EWSR1: variants seen among roughly 807,000 people sequenced by gnomAD.
The protein encoded by EWSR1 is EWS RNA binding protein 1.
Under a neutral mutation model 92.1 loss-of-function variants are expected in EWSR1, and 14 were observed. That is an observed-to-expected ratio of 0.15 (90% CI 0.10 to 0.24). The LOEUF is 0.24. Ranked by LOEUF, EWSR1 falls within the 10% of genes least tolerant of loss-of-function variation. The pLI is 1.00. For synonymous variants in EWSR1, 303 were observed against 292.9 expected (o/e 1.03, Z -0.35); for missense variants, 637 against 870.9 (o/e 0.73, Z 3.38).
chr22:29,275,678 A>G (rs2059052805), intron 4 of EWSR1: 2 of 229,732 alleles, frequency 8.7e-6, no homozygotes, highest in East Asian at 1.2e-4. Flanking sequence ...TTTACACATG[A>G]AAGTTATCGG....
rs1602410781 is a variant in EWSR1 at position 29,286,909 on chromosome 22, TCTC to T, written c.582-13_582-11del. 3 of 1,601,778 alleles carry T rather than the reference TCTC, an allele frequency of 1.9e-6. No individual in the cohort carries two copies. Among genetic ancestry groups the T allele is most frequent in the Admixed American group, 1.7e-5 (1 of 58,118 alleles). On this transcript the variant is annotated splice_polypyrimidine_tract_variant and intron_variant, in intron 6 of 16. Coordinates refer to ENST00000397938, the MANE Select transcript of EWSR1 (RefSeq NM_005243.4). ...TAAAAAAGCTTTTTTTTTTTTCTCT[TCTC>T]TCTCTTTCAGCTATTCCTCTACACA... is the stretch of plus-strand genomic sequence containing the variant.
At chr22:29,282,232 A>C (rs1335536062) in intron 5 of EWSR1, among the ~76,000 whole-genome samples, 158 bp from the exon 6 acceptor site, 1 of 152,118 alleles carries the variant, frequency 6.6e-6, no homozygotes, top group Non-Finnish European at 1.5e-5. Flanking sequence ...GATGTAGTTT[A>C]CTTTAGGATT....
In EWSR1 at chr22:29,298,808, C is replaced by G. The variant is rs1448045659; in HGVS notation, c.1493C>G (p.Pro498Arg). Residue 498 changes from proline to arginine, a missense_variant, in exon 14 of 17, where the codon CCT (proline) becomes CGT (arginine). Pro to Arg is a moderately radical substitution (Grantham distance 103, BLOSUM62 -2). Around this residue, in one of 5 missense-constraint regions of EWSR1, gnomAD observed 363 missense variants for 447.8 expected, o/e 0.81. Transcript: ENST00000397938. ...GGRGGDRGGFPPRGPRGSRGN... is the reference protein window; with the variant it reads ...GGRGGDRGGFRPRGPRGSRGN... ...CGTGGAGGAGATAGAGGAGGCTTCC[C>G]TCCAAGAGGACCCCGGGGTTCCCGA... The G allele has an allele frequency of 1.9e-6, 3 of 1,608,778 alleles. No individual in the cohort carries two copies. Among genetic ancestry groups the G allele is most frequent in the Non-Finnish European group, 2.5e-6 (3 of 1,178,472 alleles).
At chr22:29,273,953 T>C (rs1372147335) in intron 4 of EWSR1, 89 bp downstream of exon 4, 13 of 1,524,878 alleles carry the variant, frequency 8.5e-6, no homozygotes, top group East Asian at 2.3e-5. Context: ...ATGTATATTC[T>C]GGTCCATACC....
At chr22:29,298,384 T>C (rs2061036561) in intron 13 of EWSR1, among the ~76,000 whole-genome samples, 1 of 152,008 alleles carries the variant, frequency 6.6e-6, no homozygotes, top group African/African-American at 2.4e-5. Context: ...TGCATGCCTG[T>C]AATCCCAGCT....
At chr22:29,286,216 T>C (rs1331929491) in intron 6 of EWSR1, among the ~76,000 whole-genome samples, 1 of 151,762 alleles carries the variant, frequency 6.6e-6, no homozygotes, top group Non-Finnish European at 1.5e-5. Flanking sequence ...CAGTAGCGGA[T>C]CTCAGCTCAC....
In EWSR1 at chr22:29,292,472, T is replaced by G; in HGVS notation, c.1046-16T>G. The G allele has an allele frequency of 6.5e-7, 1 of 1,527,498 alleles. No homozygotes were observed. The highest frequency in any genetic ancestry group is 9.0e-7 in the Non-Finnish European group (1 of 1,105,846). The allele number at this position is 1,527,498 out of a possible 1,614,324, so 94.6% of individuals were successfully genotyped here. On this transcript the variant is annotated splice_polypyrimidine_tract_variant and intron_variant, in intron 10 of 16. Transcript: ENST00000397938. ...GATACATGATAATAATTCTCCTGTCTTGTTGTCTCTGAAAGGCCCACCTGT... is the reference window on the plus strand; with the variant it reads ...GATACATGATAATAATTCTCCTGTCGTGTTGTCTCTGAAAGGCCCACCTGT...
At chr22:29,285,121 TG>T (rs912084495) in intron 6 of EWSR1, among the ~76,000 whole-genome samples, 6 of 111,744 alleles carry the variant, frequency 5.4e-5, no homozygotes, top group African/African-American at 1.7e-4. Flanking sequence ...TTCTGGCCCT[TG>T]TTTTTTTTTT....
At chr22:29,280,797 C>T (rs1257397206) in intron 5 of EWSR1, among the ~76,000 whole-genome samples, 1 of 146,530 alleles carries the variant, frequency 6.8e-6, no homozygotes, top group Non-Finnish European at 1.5e-5. Flanking sequence ...CCTCAGCCTC[C>T]TGAGTAGCTG....
chr22:29,279,275 A>C (rs1270264852), intron 5 of EWSR1, among the ~76,000 whole-genome samples: 1 of 152,190 alleles, frequency 6.6e-6, no homozygotes, highest in Admixed American at 6.5e-5. Flanking sequence ...ATGGTAGTTC[A>C]CACAGGCAGG....
chr22:29,291,982 A>G (rs1421461773), intron 9 of EWSR1, 155 bp from the exon 10 acceptor site: 1 of 716,294 alleles, frequency 1.4e-6, no homozygotes, highest in East Asian at 2.5e-5. Context: ...ACAAATGTTA[A>G]AGAGACACTG....
At chr22:29,294,564 C>T (rs892756317) in intron 11 of EWSR1, among the ~76,000 whole-genome samples, 9 of 149,332 alleles carry the variant, frequency 6.0e-5, no homozygotes, top group Admixed American at 1.3e-4. Context: ...GAGATGGCGC[C>T]ACTGCATTCC....
rs2061098732 is a variant in EWSR1, at chr22:29,298,824, GGGTTCCCGA to G, written c.1512_1520del (p.Ser505_Gly507del). The G allele has an allele frequency of 1.3e-6, 2 of 1,598,020 alleles. No individual in the cohort carries two copies. Among genetic ancestry groups the G allele is most frequent in the Non-Finnish European group, 1.7e-6 (2 of 1,175,534 alleles). On this transcript the variant is annotated inframe_deletion, in exon 14 of 17. Transcript: ENST00000397938. ...GAGGCTTCCCTCCAAGAGGACCCCGGGGTTCCCGAGGGAACCCCTCTGGAGGAGGAAACG... is the reference window on the plus strand; with the variant it reads ...GAGGCTTCCCTCCAAGAGGACCCCGGGGGAACCCCTCTGGAGGAGGAAACG...
At position 29,268,331 on chromosome 22, in the gene EWSR1, G is replaced by A. The variant is rs2058289011; in HGVS notation, c.-6G>A. On this transcript the variant is annotated 5_prime_UTR_variant, in exon 1 of 17. Coordinates refer to ENST00000397938, the MANE Select transcript of EWSR1 (RefSeq NM_005243.4). ...ACGTTGAGAGAACGAGGAGGAAGGA[G>A]AGAAAATGGCGTCCACGGGTGAGTA... The A allele has an allele frequency of 1.2e-6, 2 of 1,614,152 alleles. No individual in the cohort carries two copies. The highest frequency in any genetic ancestry group is 2.2e-5 in the South Asian group (2 of 91,092).
At chr22:29,283,143 T>G (rs2059746512) in intron 6 of EWSR1, among the ~76,000 whole-genome samples, 1 of 152,210 alleles carries the variant, frequency 6.6e-6, no homozygotes, top group Admixed American at 6.5e-5. Flanking sequence ...TTTTGCTGTT[T>G]TAGTTAACTC....
chr22:29,290,826 T>A, intron 8 of EWSR1: 2 of 409,578 alleles, frequency 4.9e-6, no homozygotes, highest in Non-Finnish European at 7.3e-6. Flanking sequence ...TGCCTTTATT[T>A]AATTTTAAAG....
chr22:29,284,708 G>A (rs1045160624), intron 6 of EWSR1, among the ~76,000 whole-genome samples: 1 of 151,284 alleles, frequency 6.6e-6, no homozygotes, highest in African/African-American at 2.5e-5. Flanking sequence ...GCCCCCTGTA[G>A]CCTCGAACTT....
chr22:29,285,818 T>C (rs2059980283), intron 6 of EWSR1, among the ~76,000 whole-genome samples: 1 of 151,254 alleles, frequency 6.6e-6, no homozygotes, highest in Non-Finnish European at 1.5e-5. Flanking sequence ...TTGCCTGCCT[T>C]GAATATAGTT....
chr22:29,278,542 CG>C (rs67154799), intron 5 of EWSR1, among the ~76,000 whole-genome samples: 2 of 151,704 alleles, frequency 1.3e-5, no homozygotes, highest in East Asian at 3.9e-4. Context: ...GCAAAAATAC[CG>C]GGGGGGCGCA....
Sources: allele counts gnomAD v4.1 joint callset (sites outside exome capture counted in the v4.1 genomes callset), GRCh38; gene constraint gnomAD v4.1.1; regional missense constraint gnomAD v4.1.1; transcripts MANE v1.5; gene names NCBI Gene and HGNC (gene_info 2026-07-23, HGNC 2026-07-21).